Variants in SERPINA1 observed in about 807,000 individuals in gnomAD.
SERPINA1 encodes serpin family A member 1, also known as alpha-1-antitrypsin.
In SERPINA1, 21 loss-of-function variants were observed where a neutral mutation model predicts 25.4. That is an observed-to-expected ratio of 0.83 (90% confidence interval 0.59 to 1.19). The LOEUF (loss-of-function observed/expected upper bound fraction) is 1.19, where lower values mean the gene tolerates loss of function less well. Among genes scored for constraint, SERPINA1 ranks in the 50% most tolerant of loss-of-function variants. SERPINA1 has a pLI of 0.00. For missense variants in SERPINA1, 546 were observed against 509.0 expected (o/e 1.07, Z -0.70); for synonymous variants, 218 against 211.1 (o/e 1.03, Z -0.29).
chr14:94,378,681 C>T (rs748523569), intron 4 of SERPINA1, 41 bp from the exon 5 acceptor site: 2 of 1,582,900 alleles, frequency 1.3e-6, no homozygotes, highest in South Asian at 2.2e-5. Context: ...AAGGCTGATC[C>T]CAGGCCTCGA....
chr14:94,378,736 G>T, intron 4 of SERPINA1, 96 bp from the exon 5 acceptor site: 1 of 1,364,076 alleles, frequency 7.3e-7, no homozygotes, highest in Non-Finnish European at 1.0e-6. Context: ...CACTCCCCCT[G>T]GACGGCCCTG....
upstream of SERPINA1, among the ~76,000 whole-genome samples, chr14:94,390,158 G>A (rs571142869): frequency 1.3e-5 from 2 of 152,180 alleles, no homozygotes; most frequent in South Asian, 2.1e-4. Context: ...TTCAGGCAGC[G>A]GGAAACTGAG....
intron 1 of SERPINA1, among the ~76,000 whole-genome samples, chr14:94,385,057 A>G (rs1046223520): frequency 2.6e-5 from 4 of 152,170 alleles, no homozygotes; most frequent in Admixed American, 1.3e-4. Context: ...TCACTTCCCA[A>G]CTGAACTTTG....
rs77012599 is a variant in SERPINA1 at position 94,381,212 on chromosome 14, A to G, written c.647-71T>C. 4,846 of 1,494,698 alleles carry G rather than the reference A, an allele frequency of 3.2e-3. 115 individuals carry two copies. In the African/African-American group the frequency reaches 0.053, roughly 16 times the overall value. 92.6% of individuals were successfully genotyped at this position (1,494,698 alleles called of 1,614,324 possible). On this transcript the variant is annotated intron_variant, in intron 2 of 4. Transcript: ENST00000393087. ...TGGAAGAGTGTAGCAGAATAAAGAA[A>G]CCATGAGTCCCCTCCCTGAGAAGCC...
chr14:94,382,953 G>T lies in SERPINA1; in HGVS notation c.285C>A (p.Asp95Glu), dbSNP rs199962756. The change falls in exon 2 of 5, where the codon GAC becomes GAA. Residue 95 changes from aspartate (D) to glutamate (E), a missense_variant. By Grantham distance (45) the Asp-to-Glu change is conservative. Coordinates refer to ENST00000393087, the MANE Select transcript of SERPINA1 (RefSeq NM_000295.5). Reference protein sequence around the residue: ...FAMLSLGTKADTHDEILEGLN... With the variant: ...FAMLSLGTKAETHDEILEGLN... ...GGCCCTCCAGGATTTCATCGTGAGT[G>T]TCAGCCTTGGTCCCCAGGGAGAGCA... The T allele has an allele frequency of 1.1e-5, 17 of 1,609,176 alleles. No individual in the cohort carries two copies. The highest frequency in any genetic ancestry group is 1.4e-5 in the Non-Finnish European group (17 of 1,176,380).
intron 1 of SERPINA1, 72 bp from the exon 2 acceptor site, chr14:94,383,313 C>G: frequency 6.6e-7 from 1 of 1,523,544 alleles, no homozygotes; most frequent in East Asian, 2.3e-5. Context: ...CAGGGATTGA[C>G]ACCACGTGGA....
chr14:94,389,769 G>A (rs1897563670), upstream of SERPINA1: 1 of 152,206 alleles, frequency 6.6e-6, no homozygotes, highest in Non-Finnish European at 1.5e-5. Context: ...TCCCATTTAT[G>A]CCTCCACCTT....
chr14:94,387,922 C>G (rs572924229), intron 1 of SERPINA1, among the ~76,000 whole-genome samples: 1 of 152,080 alleles, frequency 6.6e-6, no homozygotes, highest in Non-Finnish European at 1.5e-5. Flanking sequence ...TGACAGTGCC[C>G]CTCACAGCTT....
chr14:94,379,932 C>T (rs58672820), intron 3 of SERPINA1, among the ~76,000 whole-genome samples: 1 of 152,274 alleles, frequency 6.6e-6, no homozygotes, highest in Non-Finnish European at 1.5e-5. Context: ...CCCCAGGGCC[C>T]TACACCCAGA....
intron 2 of SERPINA1, among the ~76,000 whole-genome samples, chr14:94,381,615 T>A (rs145820765): frequency 7.4e-4 from 113 of 152,306 alleles, no homozygotes; most frequent in African/African-American, 2.7e-3. Flanking sequence ...GCAGGGGAAA[T>A]GCAGATGCCT....
In SERPINA1 at chr14:94,376,788, A is replaced by G. The variant is rs1387387348; in HGVS notation, c.*1661T>C. 2.6e-5 allele frequency: 4 copies of G among 152,248 alleles called. No homozygotes were observed. Among genetic ancestry groups the G allele is most frequent in the African/African-American group, 4.8e-5 (2 of 41,470 alleles). The allele number at this position is 152,248 out of a possible 1,614,324, so 9.4% of individuals were successfully genotyped here. ...CTATTTATTCTCTGTTCTAATGGGT[A>G]TAAACATTTTGTTATCTAACTTGAA... On this transcript the variant is annotated 3_prime_UTR_variant, in exon 5 of 5. Coordinates refer to ENST00000393087, the MANE Select transcript of SERPINA1 (RefSeq NM_000295.5).
intron 1 of SERPINA1, among the ~76,000 whole-genome samples, chr14:94,385,636 G>A (rs925370662): frequency 6.6e-6 from 1 of 152,204 alleles, no homozygotes; most frequent in African/African-American, 2.4e-5. Flanking sequence ...CAGGATTCTT[G>A]GTTAGAATGG....
At chr14:94,380,688 G>A (rs1896837473) in intron 3 of SERPINA1, 183 bp downstream of exon 3, 2 of 736,822 alleles carry the variant, frequency 2.7e-6, no homozygotes. Context: ...CATGGAGCAT[G>A]GATGGCGCTG....
At chr14:94,379,692 C>T in intron 3 of SERPINA1, 81 bp from the exon 4 acceptor site, 1 of 1,597,148 alleles carries the variant, frequency 6.3e-7, no homozygotes, top group Non-Finnish European at 8.6e-7. Flanking sequence ...CAAGTGTTTT[C>T]TTTTCTGATT....
At chr14:94,379,651 T>C in intron 3 of SERPINA1, 40 bp from the exon 4 acceptor site, 1 of 1,613,794 alleles carries the variant, frequency 6.2e-7, no homozygotes, top group Middle Eastern at 1.7e-4. Flanking sequence ...GGCACAGCAT[T>C]CCTCTTGTTC....
intron 1 of SERPINA1, among the ~76,000 whole-genome samples, chr14:94,386,211 C>T (rs990208419): frequency 1.1e-4 from 17 of 152,166 alleles, no homozygotes; most frequent in Admixed American, 9.2e-4. Flanking sequence ...CCATGGTGTA[C>T]GGACACTGAG....
At chr14:94,389,679 C>T (rs1404149981), upstream of SERPINA1, 2 of 152,208 alleles carry the variant, frequency 1.3e-5, no homozygotes, top group Non-Finnish European at 2.9e-5. Context: ...CGCAAACCTG[C>T]TTGGGAGCTG....
rs745624643 is a variant in SERPINA1 at position 94,380,913 on chromosome 14, G to A, written c.875C>T (p.Thr292Ile). The A allele has an allele frequency of 2.1e-5, 34 of 1,614,200 alleles. No individual in the cohort carries two copies. Among genetic ancestry groups the A allele is most frequent in the Non-Finnish European group, 2.8e-5 (33 of 1,180,028 alleles). The change falls in exon 3 of 5, where the codon ACC (threonine) becomes ATC (isoleucine). Residue 292 changes from threonine to isoleucine, a missense_variant. Coordinates refer to ENST00000393087, the MANE Select transcript of SERPINA1 (RefSeq NM_000295.5). ...CAGGAACTTGGTGATGATATCGTGG[G>A]TGAGTTCATTTTCCAGGTGCTGTAG... ...GKLQHLENEL[T>I]HDIITKFLEN...
rs7144409 is a variant in SERPINA1 at position 94,378,123 on chromosome 14, T to C, written c.*326A>G. 2,564 of 374,328 alleles carry C rather than the reference T, an allele frequency of 6.8e-3. 60 individuals carry two copies. Among genetic ancestry groups the C allele is most frequent in the African/African-American group, 0.048 (2,371 of 49,224 alleles). The allele number at this position is 374,328 out of a possible 1,614,324, so 23.2% of individuals were successfully genotyped here. Reference sequence around the variant, plus strand: ...CTGGTTCCTCCCCTGTGATTCCTTCTTGGGGACTCCAAGACAGGACAAGGA... The same window carrying C: ...CTGGTTCCTCCCCTGTGATTCCTTCCTGGGGACTCCAAGACAGGACAAGGA... On this transcript the variant is annotated 3_prime_UTR_variant, in exon 5 of 5. Coordinates refer to ENST00000393087, the MANE Select transcript of SERPINA1 (RefSeq NM_000295.5).
Sources: gnomAD v4.1 joint callset for allele counts (sites outside exome capture counted in the v4.1 genomes callset) on GRCh38, gnomAD v4.1.1 for gene constraint, MANE v1.5 for transcripts, NCBI Gene and HGNC (gene_info 2026-07-23, HGNC 2026-07-21) for gene names.